FGD4: variants seen among roughly 807,000 people sequenced by gnomAD.
FGD4 encodes the protein FYVE, RhoGEF and PH domain containing 4.
Under a neutral mutation model 102.0 loss-of-function variants are expected in FGD4, and 42 were observed. The ratio of observed to expected loss-of-function variants is 0.41; its 90% CI spans 0.32 to 0.53. The LOEUF (loss-of-function observed/expected upper bound fraction) is 0.53, where lower values mean the gene tolerates loss of function less well. FGD4 is among the 20% of genes least tolerant of loss of function. The pLI is 0.21. For missense variants in FGD4, 902 were observed against 1,078.2 expected (o/e 0.84, Z 2.29); for synonymous variants, 380 against 375.7 (o/e 1.01, Z -0.13).
intron 14 of FGD4, among the ~76,000 whole-genome samples, chr12:32,632,076 T>C (rs947802308): frequency 2.0e-5 from 3 of 152,050 alleles, no homozygotes; most frequent in African/African-American, 7.3e-5. Flanking sequence ...TTAAATGCTA[T>C]AAATCTACAC....
intron 1 of FGD4, among the ~76,000 whole-genome samples, chr12:32,448,435 A>G (rs1353721768): frequency 6.6e-6 from 1 of 152,076 alleles, no homozygotes; most frequent in Non-Finnish European, 1.5e-5. Flanking sequence ...AGGCGAGTGG[A>G]TCACCTGAGG....
chr12:32,554,058 G>A (rs1172718915), intron 1 of FGD4, among the ~76,000 whole-genome samples: 1 of 152,154 alleles, frequency 6.6e-6, no homozygotes, highest in Non-Finnish European at 1.5e-5. Context: ...CTCAGTCTAG[G>A]TGGCAGAGTG....
intron 16 of FGD4, among the ~76,000 whole-genome samples, 171 bp from the exon 17 acceptor site, chr12:32,640,105 C>A (rs1565941701): frequency 1.3e-5 from 2 of 152,148 alleles, no homozygotes; most frequent in Non-Finnish European, 2.9e-5. Flanking sequence ...TATCAGTGGC[C>A]TCACGTACAG....
chr12:32,399,935 G>GGCC lies in FGD4; in HGVS notation c.143_145dup (p.Gly48_Gln49insArg). 6.6e-7 allele frequency: 1 copy of GGCC among 1,504,896 alleles called. No homozygotes were observed. 93.2% of individuals were successfully genotyped at this position (1,504,896 alleles called of 1,614,324 possible). On this transcript the variant is annotated inframe_insertion, in exon 1 of 17. Coordinates refer to ENST00000534526, the MANE Select transcript of FGD4 (RefSeq NM_001370298.3). ...ACGTGTAGGGACCGCTGCCTTCAAG[G>GGCC]GCCAGGTGCCCTCAGGAGCCACAGG...
chr12:32,603,371 T>C (rs1417263339), intron 7 of FGD4, among the ~76,000 whole-genome samples: 1 of 151,770 alleles, frequency 6.6e-6, no homozygotes, highest in African/African-American at 2.4e-5. Context: ...TATATGGGTT[T>C]TTCCTTTTTA....
At chr12:32,610,490 G>A (rs1165878920) in intron 8 of FGD4, among the ~76,000 whole-genome samples, 2 of 152,224 alleles carry the variant, frequency 1.3e-5, no homozygotes, top group Non-Finnish European at 1.5e-5. Context: ...CTAAGGAAAA[G>A]CAGTGATGTT....
intron 1 of FGD4, among the ~76,000 whole-genome samples, chr12:32,503,958 A>G (rs1010565746): frequency 4.9e-5 from 2 of 41,030 alleles, no homozygotes; most frequent in Non-Finnish European, 9.8e-5. Context: ...TACCCAGAGC[A>G]TTGGGGTAGG....
intron 6 of FGD4, 40 bp downstream of exon 6, chr12:32,601,463 C>A: frequency 1.9e-6 from 3 of 1,578,188 alleles, no homozygotes; most frequent in South Asian, 2.3e-5. Context: ...TTAAGGCAGT[C>A]ATGCTGTATT....
At chr12:32,447,988 G>C in intron 1 of FGD4, among the ~76,000 whole-genome samples, 1 of 152,192 alleles carries the variant, frequency 6.6e-6, no homozygotes, top group African/African-American at 2.4e-5. Flanking sequence ...TGTTGGGGAA[G>C]GAACAAACCC....
At chr12:32,542,100 T>A (rs1592159956) in intron 1 of FGD4, among the ~76,000 whole-genome samples, 1 of 151,832 alleles carries the variant, frequency 6.6e-6, no homozygotes, top group Admixed American at 6.6e-5. Context: ...TCCTGAGGAG[T>A]TTTTCCTACT....
intron 1 of FGD4, among the ~76,000 whole-genome samples, chr12:32,466,765 G>A (rs1943262145): frequency 6.6e-6 from 1 of 151,168 alleles, no homozygotes; most frequent in Non-Finnish European, 1.5e-5. Context: ...ATACTCGGGA[G>A]GCTGAAACAG....
At chr12:32,619,330 A>G (rs1592429635) in intron 10 of FGD4, among the ~76,000 whole-genome samples, 2 of 152,132 alleles carry the variant, frequency 1.3e-5, no homozygotes, top group Non-Finnish European at 2.9e-5. Flanking sequence ...GGCTACCTTT[A>G]AAATTGATCT....
At chr12:32,558,303 C>A (rs986040875) in intron 1 of FGD4, among the ~76,000 whole-genome samples, 1 of 152,188 alleles carries the variant, frequency 6.6e-6, no homozygotes, top group Admixed American at 6.5e-5. Flanking sequence ...GGACAATATG[C>A]TCCCATAAAG....
rs539677858 is a variant in FGD4 at position 32,495,451 on chromosome 12, C to T, written c.167-68686C>T. Among the ~76,000 whole-genome samples, 192 of 152,194 alleles carry T rather than the reference C, an allele frequency of 1.3e-3. 1 individual carries two copies. Among genetic ancestry groups the T allele is most frequent in the South Asian group, 2.3e-3 (11 of 4,824 alleles). On this transcript the variant is annotated intron_variant, in intron 1 of 16. Transcript: ENST00000534526. ...GTGGCTCACGCCTGTAATCCCAGCA[C>T]TTTGGGAGGCTGAGGCGGGCAGATC...
intron 1 of FGD4, 28 bp from the exon 2 acceptor site, chr12:32,564,109 C>T (rs1464432873): frequency 1.3e-6 from 2 of 1,530,912 alleles, no homozygotes; most frequent in Admixed American, 2.0e-5. Flanking sequence ...TCCATACTTA[C>T]CTGCCCTTTC....
chr12:32,438,285 A>G (rs892631411), intron 1 of FGD4, among the ~76,000 whole-genome samples: 2 of 152,212 alleles, frequency 1.3e-5, no homozygotes, highest in African/African-American at 4.8e-5. Flanking sequence ...AGCATCTAAC[A>G]ATACTGCACT....
At chr12:32,563,247 G>GC (rs1565845227) in intron 1 of FGD4, among the ~76,000 whole-genome samples, 1 of 150,874 alleles carries the variant, frequency 6.6e-6, no homozygotes, top group East Asian at 2.0e-4. Flanking sequence ...TCTCAGACGG[G>GC]GCGGTTGCCA....
At chr12:32,625,311 C>G (rs1298272583) in intron 13 of FGD4, among the ~76,000 whole-genome samples, 1 of 148,756 alleles carries the variant, frequency 6.7e-6, no homozygotes, top group Non-Finnish European at 1.5e-5. Flanking sequence ...GCTCTGTCAC[C>G]CAAGCTGGAG....
Position 32,583,123 on chromosome 12 carries a change from G to A in FGD4, c.1011+656G>A, listed in dbSNP as rs545277539. ...GGGCCAAGGCAGGAAGAATTCCTCA[G>A]CCCAGTAATTCAAGACCAGTCTGGG... On this transcript the variant is annotated intron_variant, in intron 4 of 16. Coordinates refer to ENST00000534526, the MANE Select transcript of FGD4 (RefSeq NM_001370298.3). 3.3e-5 allele frequency among the ~76,000 whole-genome samples: 5 copies of A among 152,254 alleles called. No homozygotes were observed. The South Asian group carries it at 1.0e-3, about 32-fold the overall frequency.
Sources: gnomAD v4.1 joint callset for allele counts (sites outside exome capture counted in the v4.1 genomes callset) on GRCh38, gnomAD v4.1.1 for gene constraint, MANE v1.5 for transcripts, NCBI Gene and HGNC (gene_info 2026-07-23, HGNC 2026-07-21) for gene names.